LGALS9B: variants seen among roughly 807,000 people sequenced by gnomAD.
LGALS9B encodes galectin-9B.
LGALS9B carries 8 observed loss-of-function variants against 35.9 expected under a neutral mutation model. The ratio of observed to expected loss-of-function variants is 0.22; its 90% CI spans 0.13 to 0.40. The LOEUF (loss-of-function observed/expected upper bound fraction) is 0.40. Ranked by LOEUF, LGALS9B falls within the 10% of genes least tolerant of loss-of-function variation. LGALS9B has a pLI of 1.00. For missense variants in LGALS9B, 101 were observed against 397.9 expected (o/e 0.25, Z 6.35); for synonymous variants, 42 against 148.6 (o/e 0.28, Z 5.22).
chr17:20,451,896 C>A lies in LGALS9B; in HGVS notation c.673-13G>T, dbSNP rs770299555. On this transcript the variant is annotated splice_polypyrimidine_tract_variant and intron_variant, in intron 8 of 10. Coordinates refer to ENST00000423676, the MANE Select transcript of LGALS9B (RefSeq NM_001367292.2). ...TGAAAGGCATCGGCTGTCAGAAGGA[C>A]GGGGACAGGTCAGCCAGTGGCAGCC... 9.6e-5 allele frequency: 131 copies of A among 1,368,686 alleles called. 28 individuals carry two copies. Among genetic ancestry groups the A allele is most frequent in the Non-Finnish European group, 2.2e-5 (22 of 979,228 alleles). 84.8% of individuals were successfully genotyped at this position (1,368,686 alleles called of 1,614,324 possible). A position where few individuals can be genotyped will look rare whatever the true frequency, so the allele number is the denominator to read the frequency against.
chr17:20,456,116 C>T (rs947104896), intron 4 of LGALS9B, among the ~76,000 whole-genome samples: 2 of 151,956 alleles, frequency 1.3e-5, no homozygotes, highest in African/African-American at 2.4e-5. Flanking sequence ...TATCTGTCTC[C>T]TCAATGAATC....
At chr17:20,461,084 T>C (rs1279285060) in intron 1 of LGALS9B, among the ~76,000 whole-genome samples, 36 of 123,382 alleles carry the variant, frequency 2.9e-4, no homozygotes, top group Middle Eastern at 3.6e-3. Context: ...AGCCCCAGCG[T>C]AGTTTCCCCA....
intron 10 of LGALS9B, among the ~76,000 whole-genome samples, chr17:20,451,052 C>A (rs530714276): frequency 6.6e-6 from 1 of 151,266 alleles, no homozygotes; most frequent in East Asian, 1.9e-4. Flanking sequence ...CTTGTTCCTT[C>A]CCCCAGCTAA....
At chr17:20,466,471 A>C (rs1263993637) in intron 1 of LGALS9B, among the ~76,000 whole-genome samples, 6 of 133,102 alleles carry the variant, frequency 4.5e-5, no homozygotes, top group African/African-American at 8.9e-5. Context: ...CTGTCTCCCC[A>C]CTCAGGAAGG....
In LGALS9B at chr17:20,466,159, G is replaced by C. The variant is rs943915067; in HGVS notation, c.39+1273C>G. Among the ~76,000 whole-genome samples, 20 of 151,936 alleles carry C rather than the reference G, an allele frequency of 1.3e-4. 1 individual carries two copies. The highest frequency in any genetic ancestry group is 1.3e-3 in the Admixed American group (20 of 15,266). On this transcript the variant is annotated intron_variant, in intron 1 of 10. Coordinates refer to ENST00000423676, the MANE Select transcript of LGALS9B (RefSeq NM_001367292.2). Reference sequence around the variant, plus strand: ...GTGGCATACGCTGACTCTAAGGCTCGCCCAACACCGGCAGCCCGTTCCAGC... The same window carrying C: ...GTGGCATACGCTGACTCTAAGGCTCCCCCAACACCGGCAGCCCGTTCCAGC...
rs1234821380 is a variant in LGALS9B at position 20,453,837 on chromosome 17, C to CGA, written c.541-232_541-231dup. Reference sequence around the variant, plus strand: ...GTAGGGTATCCCCATTGGTTCCTCTCGAGAGAGAGGAGGCTGGGTTTGATA... The same window carrying CGA: ...GTAGGGTATCCCCATTGGTTCCTCTCGAGAGAGAGAGGAGGCTGGGTTTGATA... On this transcript the variant is annotated intron_variant, in intron 5 of 10. Coordinates refer to ENST00000423676, the MANE Select transcript of LGALS9B (RefSeq NM_001367292.2). 4.4e-5 allele frequency among the ~76,000 whole-genome samples: 4 copies of CGA among 91,440 alleles called. 1 individual carries two copies. Among genetic ancestry groups the CGA allele is most frequent in the Admixed American group, 2.3e-4 (2 of 8,794 alleles). The allele number at this position is 91,440 out of a possible 152,430, so 60.0% of individuals were successfully genotyped here. A position where few individuals can be genotyped will look rare whatever the true frequency, so the allele number is the denominator to read the frequency against.
chr17:20,464,744 A>G (rs1372262599), intron 1 of LGALS9B, among the ~76,000 whole-genome samples: 1 of 151,530 alleles, frequency 6.6e-6, no homozygotes. Flanking sequence ...AGCTCTGTAC[A>G]CTAGCAATTC....
In LGALS9B at chr17:20,464,074, T is replaced by A. The variant is rs535948817; in HGVS notation, c.39+3358A>T. On this transcript the variant is annotated intron_variant, in intron 1 of 10. Transcript: ENST00000423676. ...AAGCAAGAAGCTGGTTTTGGGGGTT[T>A]TGTTTGTTTGTTTGTTGTGTTTTTT... 1.2e-4 allele frequency among the ~76,000 whole-genome samples: 17 copies of A among 139,870 alleles called. No homozygotes were observed. The East Asian group carries it at 4.0e-3, about 33-fold the overall frequency. The allele number at this position is 139,870 out of a possible 152,430, so 91.8% of individuals were successfully genotyped here.
chr17:20,459,376 AG>A (rs1174978603), intron 2 of LGALS9B, among the ~76,000 whole-genome samples: 1 of 131,402 alleles, frequency 7.6e-6, no homozygotes, highest in East Asian at 2.1e-4. Context: ...AGAGGGAAAG[AG>A]GAAGGGGTGG....
rs992723191 is a variant in LGALS9B at position 20,467,362 on chromosome 17, G to C, written c.39+70C>G. 16 of 1,289,394 alleles carry C rather than the reference G, an allele frequency of 1.2e-5. No individual in the cohort carries two copies. In the Admixed American group the frequency reaches 3.1e-4, roughly 25 times the overall value. 79.9% of individuals were successfully genotyped at this position (1,289,394 alleles called of 1,614,324 possible). On this transcript the variant is annotated intron_variant, in intron 1 of 10. Coordinates refer to ENST00000423676, the MANE Select transcript of LGALS9B (RefSeq NM_001367292.2). ...CCCTGTCTCCTGCCACCCAGGAGTTGCTTCCTCAGAGCCCCATAACTGTGT... is the reference window on the plus strand; with the variant it reads ...CCCTGTCTCCTGCCACCCAGGAGTTCCTTCCTCAGAGCCCCATAACTGTGT...
At chr17:20,460,309 G>C (rs755909649) in intron 2 of LGALS9B, 43 bp downstream of exon 2, 1 of 1,610,272 alleles carries the variant, frequency 6.2e-7, no homozygotes, top group Non-Finnish European at 8.5e-7. Flanking sequence ...GCTTTACTAA[G>C]GGACGAGGCT....
chr17:20,451,830 G>A lies in LGALS9B; in HGVS notation c.726C>T (p.Ile242=). 1 of 1,486,346 alleles carries A rather than the reference G, an allele frequency of 6.7e-7. No homozygotes were observed. The highest frequency in any genetic ancestry group is 1.1e-5 in the South Asian group (1 of 87,626). The allele number at this position is 1,486,346 out of a possible 1,614,324, so 92.1% of individuals were successfully genotyped here. Residue 242 remains isoleucine (I), a synonymous_variant, in exon 9 of 11, where the codon ATC becomes ATT. Transcript: ENST00000423676. The part of the protein sequence containing the change: ...IPGGLYPSKS[I]ILSGTVLPSA... ...TGGGCAGGACAGTGCCTGACAGGAT[G>A]ATGGACTTGGATGGGTACAGCCCTC...
chr17:20,451,146 G>T (rs1259280626), intron 10 of LGALS9B, among the ~76,000 whole-genome samples: 2 of 151,178 alleles, frequency 1.3e-5, no homozygotes, highest in African/African-American at 4.9e-5. Context: ...TGCACAAAGC[G>T]GGCGACAGTG....
intron 6 of LGALS9B, 85 bp from the exon 7 acceptor site, chr17:20,453,152 AC>A: frequency 9.4e-7 from 1 of 1,065,302 alleles, no homozygotes; most frequent in Non-Finnish European, 1.4e-6. Flanking sequence ...CACGGCAGGC[AC>A]CCTCCAGGGG....
At chr17:20,454,414 C>T (rs2042671242) in intron 5 of LGALS9B, among the ~76,000 whole-genome samples, 1 of 151,582 alleles carries the variant, frequency 6.6e-6, no homozygotes, top group African/African-American at 2.4e-5. Context: ...ATCCCATTCT[C>T]CCTGGCTGCG....
intron 9 of LGALS9B, 68 bp downstream of exon 9, chr17:20,451,727 C>T: frequency 7.6e-7 from 1 of 1,316,462 alleles, no homozygotes; most frequent in Non-Finnish European, 1.1e-6. Context: ...TGCCAAAAGC[C>T]AGGGGAATGG....
rs2042661687 is a variant in LGALS9B, at chr17:20,453,041, C to G, written c.603G>C (p.Gln201His). 1.4e-6 allele frequency: 2 copies of G among 1,397,750 alleles called. 1 individual carries two copies. The highest frequency in any genetic ancestry group is 2.0e-6 in the Non-Finnish European group (2 of 999,098). The allele number at this position is 1,397,750 out of a possible 1,614,324, so 86.6% of individuals were successfully genotyped here. ...PITQTVIHTV[Q>H]SASGQMFSQT... ...CAGAGAACATCTGTCCAGAGGCGCT[C>G]TGCACCGTGTGGATGACTGTCTGGG... is the stretch of plus-strand genomic sequence containing the variant. Residue 201 changes from glutamine to histidine, a missense_variant, in exon 7 of 11, where the codon CAG (glutamine) becomes CAC (histidine). Gln to His is a conservative substitution (Grantham distance 24). Coordinates refer to ENST00000423676, the MANE Select transcript of LGALS9B (RefSeq NM_001367292.2).
Position 20,455,355 on chromosome 17 carries a change from G to A in LGALS9B, c.488C>T (p.Pro163Leu), listed in dbSNP as rs1012978021. ...VPVQPAFSTV[P>L]FSQPVCFPPR... The stretch of plus-strand genomic sequence containing the variant: ...TGGGAAACAGACAGGCTGGGAGAAC[G>A]GCACCGTGGAGAAGGCAGGCTGAAC... The change falls in exon 5 of 11, where the codon CCG becomes CTG. Residue 163 changes from proline to leucine, a missense_variant. Pro to Leu is a moderately conservative substitution (Grantham distance 98, BLOSUM62 -3). Coordinates refer to ENST00000423676, the MANE Select transcript of LGALS9B (RefSeq NM_001367292.2). 1.0e-5 allele frequency: 14 copies of A among 1,355,574 alleles called. 4 individuals carry two copies. Among genetic ancestry groups the A allele is most frequent in the African/African-American group, 4.2e-5 (3 of 72,014 alleles). The allele number at this position is 1,355,574 out of a possible 1,614,324, so 84.0% of individuals were successfully genotyped here.
intron 1 of LGALS9B, among the ~76,000 whole-genome samples, chr17:20,464,998 C>G (rs962643223): frequency 6.6e-6 from 1 of 152,222 alleles, no homozygotes; most frequent in Non-Finnish European, 1.5e-5. Context: ...TCGGCCTTGA[C>G]AGTGCAGCTC....
Sources: allele counts gnomAD v4.1 joint callset (sites outside exome capture counted in the v4.1 genomes callset), GRCh38; gene constraint gnomAD v4.1.1; transcripts MANE v1.5; gene names NCBI Gene and HGNC (gene_info 2026-07-23, HGNC 2026-07-21).